Variants in EZH1 observed in about 807,000 individuals in gnomAD.
EZH1 encodes the protein enhancer of zeste 1 polycomb repressive complex 2 subunit, also known as histone-lysine N-methyltransferase EZH1.
Under a neutral mutation model 100.5 loss-of-function variants are expected in EZH1, and 33 were observed. That is an observed-to-expected ratio of 0.33 (90% CI 0.25 to 0.44). The LOEUF (loss-of-function observed/expected upper bound fraction) is 0.44. EZH1 is among the 20% of genes least tolerant of loss of function. The pLI is 1.00. For synonymous variants in EZH1, 272 were observed against 313.8 expected (o/e 0.87, Z 1.41); for missense variants, 475 against 928.4 (o/e 0.51, Z 6.35).
In EZH1 at chr17:42,700,438, G is replaced by T. The variant is rs2053219683; in HGVS notation, c.*2094C>A. The T allele has an allele frequency of 6.5e-6, 1 of 152,782 alleles. No homozygotes were observed. The highest frequency in any genetic ancestry group is 2.1e-4 in the South Asian group (1 of 4,832). 9.5% of individuals were successfully genotyped at this position (152,782 alleles called of 1,614,324 possible). ...GGGGTTGAGACCCATCTTTAAAAGTGGGGGACAGCAGGGACAAAGGATGGG... is the reference window on the plus strand; with the variant it reads ...GGGGTTGAGACCCATCTTTAAAAGTTGGGGACAGCAGGGACAAAGGATGGG... On this transcript the variant is annotated 3_prime_UTR_variant, in exon 21 of 21. Transcript: ENST00000428826.
Position 42,713,395 on chromosome 17 carries a change from G to A in EZH1, c.1024-6C>T. ...GCATACTCCTTTGCTCCTTCCTGCA[G>A]TGGACACATTACAGACAGGAAATAG... On this transcript the variant is annotated splice_polypyrimidine_tract_variant and splice_region_variant and intron_variant, in intron 10 of 20. Coordinates refer to ENST00000428826, the MANE Select transcript of EZH1 (RefSeq NM_001991.5). 6.3e-7 allele frequency: 1 copy of A among 1,589,482 alleles called. No individual in the cohort carries two copies. The highest frequency in any genetic ancestry group is 8.6e-7 in the Non-Finnish European group (1 of 1,160,930).
intron 1 of EZH1, among the ~76,000 whole-genome samples, chr17:42,731,590 T>G (rs1278919112): frequency 6.6e-6 from 1 of 152,144 alleles, no homozygotes; most frequent in African/African-American, 2.4e-5. Flanking sequence ...TTATTCCACC[T>G]AACATTAAAA....
intron 13 of EZH1, 40 bp downstream of exon 13, chr17:42,709,806 C>T: frequency 1.3e-6 from 2 of 1,598,994 alleles, no homozygotes. Flanking sequence ...CAGGGAACAG[C>T]CTGGCTGTAA....
intron 1 of EZH1, among the ~76,000 whole-genome samples, chr17:42,735,745 T>C (rs935009225): frequency 3.3e-5 from 5 of 152,126 alleles, no homozygotes; most frequent in Non-Finnish European, 7.4e-5. Flanking sequence ...CCCAGCACTT[T>C]GGGAGGTCAA....
At chr17:42,712,771 C>CTCA (rs1283106710) in intron 11 of EZH1, among the ~76,000 whole-genome samples, 6 of 152,162 alleles carry the variant, frequency 3.9e-5, no homozygotes, top group Non-Finnish European at 5.9e-5. Flanking sequence ...GGCAGGGTGG[C>CTCA]TCACGCCTGT....
chr17:42,716,000 T>C (rs1473220679), intron 10 of EZH1, among the ~76,000 whole-genome samples: 1 of 150,938 alleles, frequency 6.6e-6, no homozygotes, highest in Non-Finnish European at 1.5e-5. Context: ...TGAGCTGAGA[T>C]TGCACCATTG....
At chr17:42,708,739 T>TCTCAGTTGCAGTGAGAGG in intron 14 of EZH1, 137 bp downstream of exon 14, 1 of 887,480 alleles carries the variant, frequency 1.1e-6, no homozygotes, top group Non-Finnish European at 1.9e-6. Context: ...GCTCAGCTGT[T>TCTCAGTTGCAGTGAGAGG]CTCAGTTGCT....
chr17:42,710,089 A>C, intron 12 of EZH1, 152 bp from the exon 13 acceptor site: 1 of 647,306 alleles, frequency 1.5e-6, no homozygotes, highest in Non-Finnish European at 2.8e-6. Flanking sequence ...CCACTGGAAC[A>C]TTGGGTTACT....
chr17:42,709,075 A>G, intron 13 of EZH1, 159 bp from the exon 14 acceptor site: 1 of 720,938 alleles, frequency 1.4e-6, no homozygotes, highest in Non-Finnish European at 2.4e-6. Flanking sequence ...CAGAAGCTAG[A>G]GTCCATCCTA....
intron 12 of EZH1, among the ~76,000 whole-genome samples, chr17:42,710,471 T>A (rs902753506): frequency 1.3e-5 from 2 of 152,150 alleles, no homozygotes; most frequent in Non-Finnish European, 2.9e-5. Context: ...TTGTGGGGGA[T>A]CTTTGAAAAC....
chr17:42,714,872 T>C (rs2053561073), intron 10 of EZH1, among the ~76,000 whole-genome samples: 1 of 141,460 alleles, frequency 7.1e-6, no homozygotes, highest in Admixed American at 7.5e-5. Context: ...ATAATTTTTA[T>C]ATATTATATA....
chr17:42,713,884 A>G (rs2053539614), intron 10 of EZH1, among the ~76,000 whole-genome samples: 1 of 152,204 alleles, frequency 6.6e-6, no homozygotes, highest in Non-Finnish European at 1.5e-5. Flanking sequence ...TCTCCTATGG[A>G]TGAAGAAATG....
At chr17:42,708,113 T>G in intron 14 of EZH1, 30 bp from the exon 15 acceptor site, 1 of 1,571,712 alleles carries the variant, frequency 6.4e-7, no homozygotes, top group South Asian at 1.2e-5. Context: ...AGGATGCTGC[T>G]GTGACCATAC....
Position 42,728,960 on chromosome 17 carries a change from A to G in EZH1, c.-11-8T>C, listed in dbSNP as rs201509005. ...TTTCCATCTTGCTGTAATCTAAGAG[A>G]GACAGAGATGAGAAATAGCATTTTA... On this transcript the variant is annotated splice_region_variant and splice_polypyrimidine_tract_variant and intron_variant, in intron 2 of 20. Transcript: ENST00000428826. 1.1e-4 allele frequency: 178 copies of G among 1,600,280 alleles called. No homozygotes were observed. The African/African-American group carries it at 2.1e-3, about 19-fold the overall frequency.
At chr17:42,712,077 C>T (rs182550718) in intron 12 of EZH1, among the ~76,000 whole-genome samples, 102 of 152,252 alleles carry the variant, frequency 6.7e-4, no homozygotes, top group African/African-American at 1.9e-3. Context: ...GAGCATTCAG[C>T]AAGGAGGAGG....
chr17:42,728,977 A>T, intron 2 of EZH1, 25 bp from the exon 3 acceptor site: 2 of 1,570,994 alleles, frequency 1.3e-6, no homozygotes, highest in South Asian at 2.4e-5. Context: ...GATGAGAAAT[A>T]GCATTTTATT....
intron 10 of EZH1, chr17:42,714,639 C>A: frequency 7.1e-6 from 2 of 281,066 alleles, no homozygotes; most frequent in Non-Finnish European, 1.4e-5. Flanking sequence ...AGTCAGAAAG[C>A]TCAATTTAAA....
chr17:42,716,312 T>C (rs1218139445), intron 10 of EZH1, among the ~76,000 whole-genome samples: 1 of 152,168 alleles, frequency 6.6e-6, no homozygotes, highest in African/African-American at 2.4e-5. Flanking sequence ...CTGCAACTTA[T>C]TGTCAAATGG....
intron 1 of EZH1, among the ~76,000 whole-genome samples, chr17:42,735,648 T>TATA (rs1426764201): frequency 1.3e-5 from 2 of 152,132 alleles, no homozygotes; most frequent in African/African-American, 4.8e-5. Context: ...AAAATATTTA[T>TATA]ATAAGCAAGT....
Sources: gnomAD v4.1 joint callset for allele counts (sites outside exome capture counted in the v4.1 genomes callset) on GRCh38, gnomAD v4.1.1 for gene constraint, MANE v1.5 for transcripts, NCBI Gene and HGNC (gene_info 2026-07-23, HGNC 2026-07-21) for gene names.